The following DTWD2 variants were observed in gnomAD, a reference collection of about 807,000 sequenced individuals.
The protein encoded by DTWD2 is tRNA-uridine aminocarboxypropyltransferase 2.
A neutral mutation model predicts 31.8 loss-of-function variants in DTWD2; 39 were observed. That is an observed-to-expected ratio of 1.22 (90% CI 0.95 to 1.60). The LOEUF (loss-of-function observed/expected upper bound fraction) is 1.60, where lower values mean the gene tolerates loss of function less well. Among genes scored for constraint, DTWD2 ranks in the 40% most tolerant of loss-of-function variants. DTWD2 has a pLI of 0.00. For missense variants in DTWD2, 515 were observed against 381.5 expected, an observed-to-expected ratio of 1.35 and a Z score of -2.92; for synonymous variants, 180 against 142.8, an observed-to-expected ratio of 1.26 and a Z score of -1.86.
chr5:118,931,977 C>A (rs1406020530), intron 3 of DTWD2, among the ~76,000 whole-genome samples: 1 of 152,074 alleles, frequency 6.6e-6, no homozygotes, highest in Non-Finnish European at 1.5e-5. Context: ...CTAAGTAAAC[C>A]ACGGGTCAAG....
chr5:118,864,476 AC>A (rs1326964433), intron 4 of DTWD2, among the ~76,000 whole-genome samples: 1 of 150,930 alleles, frequency 6.6e-6, no homozygotes, highest in Non-Finnish European at 1.5e-5. Context: ...GCACATGTAT[AC>A]ATATGTAACT....
intron 4 of DTWD2, among the ~76,000 whole-genome samples, chr5:118,865,995 C>CGTGTGTGTGTGT (rs3068505): frequency 6.8e-6 from 1 of 146,718 alleles, no homozygotes; most frequent in Non-Finnish European, 1.5e-5. Flanking sequence ...CGTGTGTCTG[C>CGTGTGTGTGTGT]GTGTGTGTGT....
At chr5:118,976,620 C>A (rs1239471623) in intron 1 of DTWD2, among the ~76,000 whole-genome samples, 1 of 152,084 alleles carries the variant, frequency 6.6e-6, no homozygotes, top group Non-Finnish European at 1.5e-5. Flanking sequence ...GACATATACA[C>A]CCTCCCAACA....
intron 4 of DTWD2, among the ~76,000 whole-genome samples, chr5:118,908,637 C>A (rs1753387576): frequency 1.3e-5 from 2 of 151,144 alleles, no homozygotes. Context: ...CAAATGCATC[C>A]CACACCCACC....
At chr5:118,933,636 T>C (rs1753973343) in intron 3 of DTWD2, among the ~76,000 whole-genome samples, 2 of 152,234 alleles carry the variant, frequency 1.3e-5, no homozygotes, top group South Asian at 4.1e-4. Context: ...AAACTAGGAA[T>C]AGGGGAGAAT....
At chr5:118,853,039 C>CACAG (rs1752047313) in intron 4 of DTWD2, among the ~76,000 whole-genome samples, 1 of 152,120 alleles carries the variant, frequency 6.6e-6, no homozygotes, top group Non-Finnish European at 1.5e-5. Flanking sequence ...AAGACAGGAA[C>CACAG]ACAGACACTG....
chr5:118,840,917 C>T lies in DTWD2; in HGVS notation c.897G>A (p.Ter299=). The change falls in exon 6 of 6, where the codon TAG becomes TAA. Residue 299 remains the stop codon, a stop_retained_variant. Transcript: ENST00000510708. ...MELLMNSVKI[*] is the part of the protein sequence containing the mutation. ...AGCTAGCACCAAAAGAATAACTGTA[C>T]TAAATTTTAACACTATTCATTAACA... 2.5e-6 allele frequency: 4 copies of T among 1,612,148 alleles called. No homozygotes were observed. Among genetic ancestry groups the T allele is most frequent in the Middle Eastern group, 1.7e-4 (1 of 6,054 alleles).
intron 4 of DTWD2, among the ~76,000 whole-genome samples, chr5:118,884,777 C>T (rs1198993704): frequency 3.3e-5 from 5 of 151,118 alleles, no homozygotes; most frequent in African/African-American, 9.7e-5. Context: ...GAGGCCGAGG[C>T]AGGAAGATCA....
intron 4 of DTWD2, among the ~76,000 whole-genome samples, chr5:118,863,530 T>C (rs1340934255): frequency 1.3e-5 from 2 of 152,226 alleles, no homozygotes; most frequent in Non-Finnish European, 2.9e-5. Flanking sequence ...TAAAAGCAGA[T>C]ACAGTTACTA....
intron 4 of DTWD2, among the ~76,000 whole-genome samples, chr5:118,875,189 G>C (rs991760336): frequency 2.6e-5 from 4 of 152,074 alleles, no homozygotes; most frequent in Non-Finnish European, 4.4e-5. Context: ...TGCCTTATGA[G>C]AGTTCCTGAA....
At chr5:118,864,477 C>T (rs1266557597) in intron 4 of DTWD2, among the ~76,000 whole-genome samples, 1 of 147,842 alleles carries the variant, frequency 6.8e-6, no homozygotes, top group East Asian at 2.0e-4. Flanking sequence ...CACATGTATA[C>T]ATATGTAACT....
chr5:118,956,269 G>T (rs1224522649), intron 1 of DTWD2, among the ~76,000 whole-genome samples: 1 of 152,144 alleles, frequency 6.6e-6, no homozygotes, highest in Non-Finnish European at 1.5e-5. Context: ...GCTCATCGGG[G>T]TTTATCTTCT....
At chr5:118,963,900 T>A (rs887133769) in intron 1 of DTWD2, among the ~76,000 whole-genome samples, 11 of 152,102 alleles carry the variant, frequency 7.2e-5, no homozygotes, top group African/African-American at 2.7e-4. Context: ...AGTACCTAAC[T>A]TGGTGAAAGA....
chr5:118,934,680 A>T (rs1753998365), intron 3 of DTWD2, among the ~76,000 whole-genome samples: 1 of 152,200 alleles, frequency 6.6e-6, no homozygotes, highest in Non-Finnish European at 1.5e-5. Flanking sequence ...TAGGACTAAT[A>T]GAAGACAAAT....
At chr5:118,891,988 C>G (rs926197352) in intron 4 of DTWD2, among the ~76,000 whole-genome samples, 2 of 151,948 alleles carry the variant, frequency 1.3e-5, no homozygotes, top group Admixed American at 6.6e-5. Context: ...TTCTAACAGC[C>G]ATATTTAAAG....
chr5:118,957,984 A>C (rs1754625174), intron 1 of DTWD2, among the ~76,000 whole-genome samples: 1 of 152,200 alleles, frequency 6.6e-6, no homozygotes, highest in Non-Finnish European at 1.5e-5. Context: ...AAGTGTGTGT[A>C]ATTAGAGAAA....
intron 4 of DTWD2, among the ~76,000 whole-genome samples, chr5:118,849,353 G>C (rs1751944412): frequency 6.6e-6 from 1 of 152,074 alleles, no homozygotes; most frequent in Admixed American, 6.6e-5. Context: ...TTGGAATGGT[G>C]ATCATTAAAA....
intron 1 of DTWD2, among the ~76,000 whole-genome samples, chr5:118,976,216 T>C (rs951697019): frequency 1.3e-5 from 2 of 152,184 alleles, no homozygotes; most frequent in African/African-American, 4.8e-5. Flanking sequence ...TTTATAGTAC[T>C]AAATGCCCAC....
chr5:118,988,129 CTAGG>C, intron 1 of DTWD2, 161 bp downstream of exon 1: 1 of 825,104 alleles, frequency 1.2e-6, no homozygotes, highest in Non-Finnish European at 2.0e-6. Flanking sequence ...GGGCTTCTTA[CTAGG>C]TAGCTGTGCC....
Sources: allele counts gnomAD v4.1 joint callset (sites outside exome capture counted in the v4.1 genomes callset), GRCh38; gene constraint gnomAD v4.1.1; transcripts MANE v1.5; gene names NCBI Gene and HGNC (gene_info 2026-07-23, HGNC 2026-07-21).